The following TNIK variants were observed in gnomAD, a reference collection of about 807,000 sequenced individuals.
TNIK encodes TRAF2 and NCK-interacting protein kinase.
A neutral mutation model predicts 191.3 loss-of-function variants in TNIK; 49 were observed. The observed-to-expected ratio is 0.26, with a 90% confidence interval of 0.20 to 0.32. The LOEUF (loss-of-function observed/expected upper bound fraction) is 0.32, where lower values mean the gene tolerates loss of function less well. Ranked by LOEUF, TNIK falls within the 10% of genes least tolerant of loss-of-function variation. The pLI is 1.00. For synonymous variants in TNIK, 594 were observed against 600.9 expected (o/e 0.99, Z 0.17); for missense variants, 1,155 against 1,702.3 (o/e 0.68, Z 5.66).
At chr3:171,194,939 C>T (rs920239620) in intron 4 of TNIK, among the ~76,000 whole-genome samples, 1 of 132,408 alleles carries the variant, frequency 7.6e-6, no homozygotes, top group African/African-American at 2.8e-5. Context: ...TTGAGAATAT[C>T]TCTGTTTTAA....
intron 1 of TNIK, among the ~76,000 whole-genome samples, chr3:171,411,762 A>G (rs763999876): frequency 1.5e-4 from 23 of 152,248 alleles, no homozygotes; most frequent in Non-Finnish European, 3.4e-4. Context: ...ACTGCTCATT[A>G]AAGTCAGGCA....
chr3:171,283,953 C>T (rs575528384), intron 2 of TNIK, among the ~76,000 whole-genome samples: 58 of 152,304 alleles, frequency 3.8e-4, no homozygotes, highest in African/African-American at 1.3e-3. Flanking sequence ...GGAGTTACAG[C>T]ACAGCTTCAT....
At chr3:171,380,263 A>T (rs1462952972) in intron 1 of TNIK, among the ~76,000 whole-genome samples, 1 of 152,180 alleles carries the variant, frequency 6.6e-6, no homozygotes, top group Non-Finnish European at 1.5e-5. Flanking sequence ...TTTCCAGCAA[A>T]ACGAGGTGGA....
chr3:171,267,541 G>T (rs990996026), intron 2 of TNIK, among the ~76,000 whole-genome samples: 7 of 152,190 alleles, frequency 4.6e-5, no homozygotes, highest in African/African-American at 1.7e-4. Context: ...GGAAATGGAC[G>T]TGAGTTCAAA....
chr3:171,200,386 T>G (rs899252347), intron 4 of TNIK, among the ~76,000 whole-genome samples: 1 of 151,840 alleles, frequency 6.6e-6, no homozygotes, highest in Non-Finnish European at 1.5e-5. Flanking sequence ...TTGGATTATT[T>G]AGACATGGGT....
intron 23 of TNIK, among the ~76,000 whole-genome samples, chr3:171,089,112 T>C (rs1721725510): frequency 6.6e-6 from 1 of 152,228 alleles, no homozygotes. Context: ...ATGGTGCATG[T>C]AATTGATGTT....
chr3:171,380,594 T>C (rs1252100823), intron 1 of TNIK, among the ~76,000 whole-genome samples: 1 of 152,228 alleles, frequency 6.6e-6, no homozygotes, highest in African/African-American at 2.4e-5. Context: ...GTGAAACTTT[T>C]AGGTAAAAGG....
chr3:171,106,881 G>A, intron 21 of TNIK: 2 of 505,514 alleles, frequency 4.0e-6, no homozygotes, highest in South Asian at 3.7e-5. Flanking sequence ...GTACAGGTTT[G>A]CTATTGGAAG....
intron 2 of TNIK, among the ~76,000 whole-genome samples, chr3:171,333,110 T>C (rs1756572615): frequency 6.6e-6 from 1 of 152,172 alleles, no homozygotes; most frequent in Non-Finnish European, 1.5e-5. Context: ...CTTCGAACTA[T>C]ATTCTGCTTG....
chr3:171,192,657 C>A (rs1050919885), intron 5 of TNIK, among the ~76,000 whole-genome samples: 5 of 152,192 alleles, frequency 3.3e-5, no homozygotes, highest in African/African-American at 1.2e-4. Context: ...GCATATTGGG[C>A]AGAACCAGCC....
At chr3:171,225,157 T>C (rs1433276259) in intron 3 of TNIK, among the ~76,000 whole-genome samples, 4 of 152,164 alleles carry the variant, frequency 2.6e-5, no homozygotes, top group Non-Finnish European at 4.4e-5. Flanking sequence ...ATTATAATAA[T>C]TGGTAAGAAG....
At chr3:171,358,144 T>C (rs1714421021) in intron 2 of TNIK, among the ~76,000 whole-genome samples, 1 of 152,182 alleles carries the variant, frequency 6.6e-6, no homozygotes, top group South Asian at 2.1e-4. Flanking sequence ...AAATAGTTGA[T>C]ACATTTAAGG....
intron 2 of TNIK, among the ~76,000 whole-genome samples, chr3:171,228,466 G>A (rs1462509020): frequency 6.6e-6 from 1 of 152,168 alleles, no homozygotes; most frequent in Non-Finnish European, 1.5e-5. Flanking sequence ...GAACAATTTG[G>A]TTCTAACTCC....
chr3:171,206,645 T>C (rs1740131517), intron 4 of TNIK, among the ~76,000 whole-genome samples: 1 of 152,168 alleles, frequency 6.6e-6, no homozygotes, highest in Non-Finnish European at 1.5e-5. Flanking sequence ...TAAAGTGTTA[T>C]GTTTTAGGAT....
At chr3:171,219,970 T>C (rs1046744797) in intron 3 of TNIK, among the ~76,000 whole-genome samples, 1 of 152,152 alleles carries the variant, frequency 6.6e-6, no homozygotes, top group African/African-American at 2.4e-5. Flanking sequence ...CTGTTCATAA[T>C]AGCAAAGACT....
At chr3:171,069,810 A>G (rs1440589114) in intron 29 of TNIK, among the ~76,000 whole-genome samples, 1 of 152,148 alleles carries the variant, frequency 6.6e-6, no homozygotes, top group African/African-American at 2.4e-5. Flanking sequence ...CTTAACTATA[A>G]TGCCACTGCT....
At chr3:171,076,428 T>C (rs1208024189) in intron 28 of TNIK, among the ~76,000 whole-genome samples, 1 of 152,218 alleles carries the variant, frequency 6.6e-6, no homozygotes, top group Non-Finnish European at 1.5e-5. Flanking sequence ...CAGCCGACAT[T>C]ATGTCATCAC....
At chr3:171,327,927 A>AAAAAAAAAAAAAAAC in intron 2 of TNIK, among the ~76,000 whole-genome samples, 1 of 127,798 alleles carries the variant, frequency 7.8e-6, no homozygotes, top group East Asian at 2.1e-4. Context: ...AAAAAAAAAA[A>AAAAAAAAAAAAAAAC]AAAATCACTT....
chr3:171,190,615 AATTAAC>A (rs1737936325), intron 6 of TNIK, 76 bp downstream of exon 6: 1 of 1,089,130 alleles, frequency 9.2e-7, no homozygotes, highest in Non-Finnish European at 1.3e-6. Flanking sequence ...CACGGTGACA[AATTAAC>A]ATTAATTTTT....
Sources: allele counts gnomAD v4.1 joint callset (sites outside exome capture counted in the v4.1 genomes callset), GRCh38; gene constraint gnomAD v4.1.1; transcripts MANE v1.5; gene names NCBI Gene and HGNC (gene_info 2026-07-23, HGNC 2026-07-21).